NKAIN2: variants seen among roughly 807,000 people sequenced by gnomAD.
NKAIN2 encodes the protein sodium/potassium-transporting ATPase subunit beta-1-interacting protein 2.
A neutral mutation model predicts 32.6 loss-of-function variants in NKAIN2; 14 were observed. The ratio of observed to expected loss-of-function variants is 0.43; its 90% CI spans 0.28 to 0.67. NKAIN2 has a LOEUF of 0.67. Ranked by LOEUF, NKAIN2 falls within the 30% of genes least tolerant of loss-of-function variation. NKAIN2 has a pLI of 0.17. For synonymous variants in NKAIN2, 80 were observed against 87.2 expected (o/e 0.92, Z 0.46); for missense variants, 198 against 258.3 (o/e 0.77, Z 1.60).
chr6:123,940,194 T>C (rs1310901610), intron 1 of NKAIN2, among the ~76,000 whole-genome samples: 3 of 152,068 alleles, frequency 2.0e-5, no homozygotes, highest in Middle Eastern at 3.4e-3. Context: ...TTGGCCAGGC[T>C]AACCACCATT....
rs17052222 is a variant in NKAIN2, at chr6:124,667,045, T to G, written c.474+8659T>G. Among the ~76,000 whole-genome samples the G allele has an allele frequency of 6.2e-4, 94 of 152,290 alleles. No homozygotes were observed. The East Asian group carries it at 0.017, about 27-fold the overall frequency. ...ATTAACTAAATCCTACTAAATTTAC[T>G]TACTCCCCAGATAGAACTGTGATTC... is the stretch of plus-strand genomic sequence containing the variant. On this transcript the variant is annotated intron_variant, in intron 4 of 6. Coordinates refer to ENST00000368417, the MANE Select transcript of NKAIN2 (RefSeq NM_001040214.3).
intron 3 of NKAIN2, among the ~76,000 whole-genome samples, chr6:124,451,526 A>C (rs1438372357): frequency 1.3e-5 from 2 of 152,140 alleles, no homozygotes; most frequent in East Asian, 3.9e-4. Context: ...CCATTTTCAG[A>C]TAGTTATTCG....
chr6:124,254,078 G>A (rs1194814499), intron 1 of NKAIN2, among the ~76,000 whole-genome samples: 2 of 151,984 alleles, frequency 1.3e-5, no homozygotes, highest in African/African-American at 2.4e-5. Context: ...GCCTCCCAAA[G>A]TACTGTGGGG....
chr6:124,047,960 G>A (rs1344232276), intron 1 of NKAIN2, among the ~76,000 whole-genome samples: 1 of 152,018 alleles, frequency 6.6e-6, no homozygotes, highest in Admixed American at 6.6e-5. Context: ...GGTCCAGCTG[G>A]ACTGAACATT....
At chr6:124,096,690 T>TA (rs1160413022) in intron 1 of NKAIN2, among the ~76,000 whole-genome samples, 1 of 149,974 alleles carries the variant, frequency 6.7e-6, no homozygotes, top group African/African-American at 2.5e-5. Context: ...CCATCTCTAC[T>TA]AAAAATACAA....
intron 2 of NKAIN2, among the ~76,000 whole-genome samples, chr6:124,344,130 T>G (rs966807708): frequency 1.3e-5 from 2 of 152,128 alleles, no homozygotes; most frequent in African/African-American, 4.8e-5. Flanking sequence ...TTGTCAAAGA[T>G]CAGATAGTTG....
chr6:123,869,498 T>C (rs1236012921), intron 1 of NKAIN2, among the ~76,000 whole-genome samples: 1 of 152,012 alleles, frequency 6.6e-6, no homozygotes, highest in Non-Finnish European at 1.5e-5. Flanking sequence ...CCATCCTGAG[T>C]TAGAGTTTGT....
chr6:124,713,151 A>T (rs751579905), intron 4 of NKAIN2, among the ~76,000 whole-genome samples: 1 of 152,176 alleles, frequency 6.6e-6, no homozygotes, highest in African/African-American at 2.4e-5. Flanking sequence ...TAACTCATTA[A>T]TCTTCACAGC....
At chr6:123,951,765 T>A (rs953901110) in intron 1 of NKAIN2, among the ~76,000 whole-genome samples, 26 of 152,038 alleles carry the variant, frequency 1.7e-4, no homozygotes, top group African/African-American at 6.3e-4. Context: ...CTATTAATAT[T>A]TCTTAAGTAT....
At chr6:124,449,932 T>C (rs1776034328) in intron 3 of NKAIN2, among the ~76,000 whole-genome samples, 1 of 152,120 alleles carries the variant, frequency 6.6e-6, no homozygotes, top group South Asian at 2.1e-4. Flanking sequence ...CTGTTTTATT[T>C]GGTTTATTTT....
At chr6:124,667,389 A>G (rs1772857852) in intron 4 of NKAIN2, among the ~76,000 whole-genome samples, 1 of 152,160 alleles carries the variant, frequency 6.6e-6, no homozygotes, top group Admixed American at 6.6e-5. Context: ...TTTATATTTG[A>G]TTTTATAATC....
chr6:124,421,809 G>A (rs1450038420), intron 3 of NKAIN2, among the ~76,000 whole-genome samples: 1 of 152,168 alleles, frequency 6.6e-6, no homozygotes, highest in Non-Finnish European at 1.5e-5. Context: ...AGAGATGAGT[G>A]TTCTCCTCTT....
intron 4 of NKAIN2, among the ~76,000 whole-genome samples, chr6:124,679,558 A>G (rs1183157130): frequency 6.6e-6 from 1 of 152,104 alleles, no homozygotes; most frequent in Non-Finnish European, 1.5e-5. Context: ...TTTTGCAATC[A>G]CCTGGGGTTT....
rs185837671 is a variant in NKAIN2 at position 124,370,982 on chromosome 6, T to C, written c.273+15635T>C. Among the ~76,000 whole-genome samples the C allele has an allele frequency of 1.9e-3, 286 of 152,248 alleles. 1 individual carries two copies. Among genetic ancestry groups the C allele is most frequent in the African/African-American group, 6.5e-3 (269 of 41,540 alleles). On this transcript the variant is annotated intron_variant, in intron 3 of 6. Coordinates refer to ENST00000368417, the MANE Select transcript of NKAIN2 (RefSeq NM_001040214.3). The stretch of plus-strand genomic sequence containing the variant: ...AAATTTTTACACCCAGACCCCCCAG[T>C]ACTTATTTTCTAACGCATTTCTGCA...
intron 3 of NKAIN2, among the ~76,000 whole-genome samples, chr6:124,425,174 A>G (rs1024601305): frequency 1.3e-5 from 2 of 152,208 alleles, no homozygotes; most frequent in African/African-American, 4.8e-5. Flanking sequence ...TAAAGTCATA[A>G]GTGTTTATTA....
In NKAIN2 at chr6:124,029,871, G is replaced by A. The variant is rs181966932; in HGVS notation, c.54+225617G>A. On this transcript the variant is annotated intron_variant, in intron 1 of 6. Coordinates refer to ENST00000368417, the MANE Select transcript of NKAIN2 (RefSeq NM_001040214.3). ...GGCAGCATTAGATTCTCATAGGACTGAGAACTCTACTGTGAACTGTGCATG... is the reference window on the plus strand; with the variant it reads ...GGCAGCATTAGATTCTCATAGGACTAAGAACTCTACTGTGAACTGTGCATG... 1.1e-4 allele frequency among the ~76,000 whole-genome samples: 16 copies of A among 152,166 alleles called. 1 individual carries two copies. The East Asian group carries it at 3.1e-3, about 29-fold the overall frequency.
chr6:124,780,536 T>C (rs995955176), intron 4 of NKAIN2, among the ~76,000 whole-genome samples: 12 of 152,156 alleles, frequency 7.9e-5, no homozygotes, highest in African/African-American at 2.9e-4. Flanking sequence ...GCATGTATAG[T>C]AGAGGAACTG....
At chr6:124,137,203 A>G (rs1786851606) in intron 1 of NKAIN2, among the ~76,000 whole-genome samples, 1 of 152,300 alleles carries the variant, frequency 6.6e-6, no homozygotes, top group South Asian at 2.1e-4. Flanking sequence ...TAGCAGTGCT[A>G]TACACCAACA....
intron 3 of NKAIN2, among the ~76,000 whole-genome samples, chr6:124,608,565 C>A (rs1290310986): frequency 1.3e-5 from 2 of 152,156 alleles, no homozygotes; most frequent in Non-Finnish European, 2.9e-5. Flanking sequence ...TGTGGCCACT[C>A]AAATCCAATA....
Sources: allele counts gnomAD v4.1 joint callset (sites outside exome capture counted in the v4.1 genomes callset), GRCh38; gene constraint gnomAD v4.1.1; transcripts MANE v1.5; gene names NCBI Gene and HGNC (gene_info 2026-07-23, HGNC 2026-07-21).